The following SLC29A3 variants were observed in gnomAD, a reference collection of about 807,000 sequenced individuals.
SLC29A3 encodes equilibrative nucleoside transporter 3.
SLC29A3 carries 18 observed loss-of-function variants against 25.4 expected under a neutral mutation model. The observed-to-expected ratio is 0.71, with a 90% CI of 0.49 to 1.05. The LOEUF is 1.05. Among genes scored for constraint, SLC29A3 ranks in the 50% least tolerant of loss-of-function variants. SLC29A3 has a pLI of 0.00. For missense variants in SLC29A3, 586 were observed against 609.0 expected (o/e 0.96, Z 0.40); for synonymous variants, 258 against 267.1 (o/e 0.97, Z 0.33).
At chr10:71,357,402 AAGCCTCCATC>A (rs1263679403) in intron 5 of SLC29A3, among the ~76,000 whole-genome samples, 1 of 151,784 alleles carries the variant, frequency 6.6e-6, no homozygotes, top group Non-Finnish European at 1.5e-5. Flanking sequence ...GCGACAGAGC[AAGCCTCCATC>A]TCAAAAAAAA....
At chr10:71,347,727 T>C (rs1257290202) in intron 3 of SLC29A3, among the ~76,000 whole-genome samples, 1 of 152,158 alleles carries the variant, frequency 6.6e-6, no homozygotes, top group Admixed American at 6.5e-5. Context: ...AAGGGCCATG[T>C]AGGGGGACAG....
At chr10:71,340,191 G>T (rs111531075) in intron 2 of SLC29A3, among the ~76,000 whole-genome samples, 18 of 152,162 alleles carry the variant, frequency 1.2e-4, no homozygotes, top group African/African-American at 4.3e-4. Flanking sequence ...ATCCACCTGC[G>T]TTCCAGCCCT....
chr10:71,332,306 C>T (rs1426863483), intron 2 of SLC29A3, among the ~76,000 whole-genome samples: 1 of 151,986 alleles, frequency 6.6e-6, no homozygotes, highest in Non-Finnish European at 1.5e-5. Context: ...CCCGCCACCA[C>T]ACCTGGCTAA....
In SLC29A3 at chr10:71,362,752, A is replaced by T. The variant is rs767061448; in HGVS notation, c.*144A>T. 2.0e-5 allele frequency: 22 copies of T among 1,085,288 alleles called. No individual in the cohort carries two copies. The highest frequency in any genetic ancestry group is 1.4e-6 in the Non-Finnish European group (1 of 730,684). 67.2% of individuals were successfully genotyped at this position (1,085,288 alleles called of 1,614,324 possible). A position where few individuals can be genotyped will look rare whatever the true frequency, so the allele number is the denominator to read the frequency against. On this transcript the variant is annotated 3_prime_UTR_variant, in exon 6 of 6. Coordinates refer to ENST00000373189, the MANE Select transcript of SLC29A3 (RefSeq NM_018344.6). ...ACACTCGGGCCTCATCCCTCCCAAGATGCCAGTGAGCCACGTCCATGCCCA... is the reference window on the plus strand; with the variant it reads ...ACACTCGGGCCTCATCCCTCCCAAGTTGCCAGTGAGCCACGTCCATGCCCA...
At chr10:71,327,812 G>A (rs1254619881) in intron 2 of SLC29A3, among the ~76,000 whole-genome samples, 1 of 149,614 alleles carries the variant, frequency 6.7e-6, no homozygotes, top group Non-Finnish European at 1.5e-5. Flanking sequence ...CCAGGTGCCT[G>A]GGTTCTACAC....
intron 4 of SLC29A3, among the ~76,000 whole-genome samples, chr10:71,353,545 T>G (rs186083198): frequency 1.2e-4 from 19 of 152,316 alleles, no homozygotes; most frequent in Admixed American, 1.0e-3. Flanking sequence ...TATGGATTTT[T>G]CAGAAAGTCC....
At chr10:71,381,379 A>G (rs1390552798), downstream of SLC29A3, 3 of 152,242 alleles carry the variant, frequency 2.0e-5, no homozygotes, top group Non-Finnish European at 2.9e-5. Context: ...AAATAAAATC[A>G]AAAGAGCAAA....
chr10:71,331,303 G>C (rs12779065), intron 2 of SLC29A3, among the ~76,000 whole-genome samples: 12,169 of 152,194 alleles, frequency 0.08, 603 homozygotes, highest in South Asian at 0.17. Flanking sequence ...GTGGAGGATG[G>C]GGGGAGAGAC....
chr10:71,379,317 G>GGCTAAAAATCCAAAGGGAGTCACCCAT (rs1847284951), intron 4 of SLC29A3, among the ~76,000 whole-genome samples: 1 of 152,196 alleles, frequency 6.6e-6, no homozygotes, highest in Admixed American at 6.5e-5. Flanking sequence ...CAGCAGACCA[G>GGCTAAAAATCCAAAGGGAGTCACCCAT]GCTAAAAATC....
At chr10:71,356,723 G>A (rs981062711) in intron 5 of SLC29A3, among the ~76,000 whole-genome samples, 4 of 152,092 alleles carry the variant, frequency 2.6e-5, no homozygotes, top group African/African-American at 9.7e-5. Flanking sequence ...CTACTCAGGA[G>A]GCTGAAGTGG....
intron 3 of SLC29A3, among the ~76,000 whole-genome samples, chr10:71,345,543 G>A (rs1328141816): frequency 3.9e-5 from 6 of 152,194 alleles, no homozygotes; most frequent in Admixed American, 3.9e-4. Context: ...CATTTCAAGG[G>A]GACATAGATC....
intron 2 of SLC29A3, among the ~76,000 whole-genome samples, chr10:71,338,267 A>C (rs1395861321): frequency 6.6e-6 from 1 of 152,170 alleles, no homozygotes; most frequent in Non-Finnish European, 1.5e-5. Context: ...TTAGCTGCCA[A>C]CCATGTCCGT....
intron 5 of SLC29A3, among the ~76,000 whole-genome samples, chr10:71,356,467 G>A (rs889121408): frequency 2.0e-5 from 3 of 152,158 alleles, no homozygotes; most frequent in Non-Finnish European, 4.4e-5. Flanking sequence ...GTTCACACTG[G>A]TGAAACACAA....
chr10:71,349,417 G>A (rs899925374), intron 3 of SLC29A3, among the ~76,000 whole-genome samples: 7 of 152,090 alleles, frequency 4.6e-5, no homozygotes, highest in Non-Finnish European at 1.0e-4. Flanking sequence ...TCTCGGCAGT[G>A]AGCTTCTCTC....
intron 3 of SLC29A3, among the ~76,000 whole-genome samples, chr10:71,345,666 C>T (rs1846552186): frequency 2.3e-5 from 1 of 42,956 alleles, no homozygotes; most frequent in South Asian, 5.1e-4. Flanking sequence ...TCACAGGCCT[C>T]ACTCCTGCCT....
In SLC29A3 at chr10:71,362,072, C is replaced by G; in HGVS notation, c.892C>G (p.Leu298Val). Residue 298 changes from leucine to valine, a missense_variant, in exon 6 of 6, where the codon CTC becomes GTC. Leu to Val is a conservative substitution (Grantham distance 32). Coordinates refer to ENST00000373189, the MANE Select transcript of SLC29A3 (RefSeq NM_018344.6). ...ATTCATTGATTCCCACACACCCCCT[C>G]TCCGCCCCATCCTGAAGAAGACGGC... Reference protein sequence around the residue: ...SRFIDSHTPPLRPILKKTASL... With the variant: ...SRFIDSHTPPVRPILKKTASL... 6.2e-7 allele frequency: 1 copy of G among 1,614,164 alleles called. No individual in the cohort carries two copies.
chr10:71,346,305 AC>A (rs1846578494), intron 3 of SLC29A3, among the ~76,000 whole-genome samples: 1 of 152,144 alleles, frequency 6.6e-6, no homozygotes, highest in Non-Finnish European at 1.5e-5. Context: ...ATCTCTTTTA[AC>A]CCTCACGGCA....
At chr10:71,364,495 G>A (rs1276410859), downstream of SLC29A3, 4 of 152,186 alleles carry the variant, frequency 2.6e-5, no homozygotes, top group Non-Finnish European at 5.9e-5. Context: ...AGCATGGCAC[G>A]GGAATCAGAG....
chr10:71,332,152 CTTTT>C (rs10716665), intron 2 of SLC29A3, among the ~76,000 whole-genome samples: 1 of 135,244 alleles, frequency 7.4e-6, no homozygotes, highest in Non-Finnish European at 1.6e-5. Context: ...TCTTTTTTTT[CTTTT>C]TTTTTTTTTT....
Sources: gnomAD v4.1 joint callset for allele counts (sites outside exome capture counted in the v4.1 genomes callset) on GRCh38, gnomAD v4.1.1 for gene constraint, MANE v1.5 for transcripts, NCBI Gene and HGNC (gene_info 2026-07-23, HGNC 2026-07-21) for gene names.